Variants in PACRG observed in about 807,000 individuals in gnomAD.
PACRG encodes the protein parkin coregulated gene protein.
In PACRG, 29 loss-of-function variants were observed where a neutral mutation model predicts 29.7. The ratio of observed to expected loss-of-function variants is 0.98; its 90% CI spans 0.73 to 1.33. The LOEUF (loss-of-function observed/expected upper bound fraction) is 1.33, where lower values mean the gene tolerates loss of function less well. Among genes scored for constraint, PACRG ranks in the 40% most tolerant of loss-of-function variants. PACRG has a pLI of 0.00. For synonymous variants in PACRG, 116 were observed against 118.7 expected (o/e 0.98, Z 0.15); for missense variants, 279 against 316.2 (o/e 0.88, Z 0.89).
At chr6:163,116,037 C>T (rs1474864065) in intron 4 of PACRG, among the ~76,000 whole-genome samples, 1 of 152,162 alleles carries the variant, frequency 6.6e-6, no homozygotes, top group African/African-American at 2.4e-5. Flanking sequence ...TTCTAGAGGA[C>T]AGGGAAACTT....
At chr6:163,214,861 A>G (rs1781299241) in intron 4 of PACRG, among the ~76,000 whole-genome samples, 1 of 152,142 alleles carries the variant, frequency 6.6e-6, no homozygotes, top group Non-Finnish European at 1.5e-5. Context: ...CCACACTTTA[A>G]TAGGTATGTT....
chr6:162,808,889 G>A (rs6929100), intron 1 of PACRG, among the ~76,000 whole-genome samples: 27,456 of 151,964 alleles, frequency 0.18, 3,069 homozygotes, highest in Non-Finnish European at 0.25. Flanking sequence ...CTACAAATAT[G>A]GAACTTACCT....
chr6:163,295,197 C>T (rs1311218998), intron 4 of PACRG, among the ~76,000 whole-genome samples: 1 of 152,192 alleles, frequency 6.6e-6, no homozygotes, highest in African/African-American at 2.4e-5. Flanking sequence ...AAGCAGTATT[C>T]ACTTTTATAA....
chr6:162,987,346 T>C (rs1293204611), intron 2 of PACRG, among the ~76,000 whole-genome samples: 1 of 152,180 alleles, frequency 6.6e-6, no homozygotes, highest in African/African-American at 2.4e-5. Flanking sequence ...GGGAAATGTC[T>C]GCAAGCTTCA....
At chr6:162,994,397 G>C (rs1252118058) in intron 2 of PACRG, among the ~76,000 whole-genome samples, 1 of 148,186 alleles carries the variant, frequency 6.7e-6, no homozygotes, top group African/African-American at 2.5e-5. Flanking sequence ...CGTAGATTTG[G>C]TCTTTTCACA....
chr6:163,257,749 T>G (rs189098488), intron 4 of PACRG, among the ~76,000 whole-genome samples: 1 of 152,342 alleles, frequency 6.6e-6, no homozygotes, highest in East Asian at 1.9e-4. Context: ...TTTAAATATT[T>G]TTTAACTTCT....
intron 2 of PACRG, among the ~76,000 whole-genome samples, chr6:162,888,034 G>A (rs1365287699): frequency 6.6e-6 from 1 of 152,152 alleles, no homozygotes; most frequent in Non-Finnish European, 1.5e-5. Context: ...CAAAGATGGT[G>A]CCTTGTTGCA....
intron 4 of PACRG, among the ~76,000 whole-genome samples, chr6:163,201,939 G>A (rs1780718163): frequency 6.6e-6 from 1 of 152,236 alleles, no homozygotes; most frequent in South Asian, 2.1e-4. Flanking sequence ...TTTGGGGGAA[G>A]TTCAGAGGAG....
At chr6:162,933,601 C>CTT (rs71008119) in intron 2 of PACRG, among the ~76,000 whole-genome samples, 5,060 of 74,560 alleles carry the variant, frequency 0.068, 179 homozygotes, top group East Asian at 0.2. Context: ...CTTTCTGTAT[C>CTT]TTTTTTTTTT....
chr6:162,775,357 C>T lies in PACRG; in HGVS notation c.157-38790C>T, dbSNP rs1783561282. On this transcript the variant is annotated intron_variant, in intron 1 of 4. Coordinates refer to ENST00000366888, the MANE Select transcript of PACRG (RefSeq NM_001080379.2). ...CAAGAGTCTACATTTGACCTCTGTG[C>T]TTACCTGTTACTAGTAATCAAAACA... Among the ~76,000 whole-genome samples the T allele has an allele frequency of 2.0e-5, 3 of 152,218 alleles. No homozygotes were observed. In the South Asian group the frequency reaches 6.2e-4, roughly 31 times the overall value.
At chr6:163,066,057 T>A (rs1239302657) in intron 3 of PACRG, among the ~76,000 whole-genome samples, 1 of 152,154 alleles carries the variant, frequency 6.6e-6, no homozygotes, top group African/African-American at 2.4e-5. Context: ...GGAAAAATTA[T>A]CTCTTATTAC....
At chr6:162,911,283 G>A (rs1260677538) in intron 2 of PACRG, among the ~76,000 whole-genome samples, 1 of 152,120 alleles carries the variant, frequency 6.6e-6, no homozygotes, top group African/African-American at 2.4e-5. Context: ...GTACCACTCA[G>A]GTACATGTAC....
intron 4 of PACRG, among the ~76,000 whole-genome samples, chr6:163,258,227 C>A (rs551474907): frequency 9.2e-5 from 14 of 152,018 alleles, no homozygotes; most frequent in Non-Finnish European, 1.3e-4. Context: ...ATTTTTGGAA[C>A]CTTATTAAGT....
chr6:162,826,147 AAT>A (rs1382772186), intron 2 of PACRG, among the ~76,000 whole-genome samples: 4 of 152,216 alleles, frequency 2.6e-5, no homozygotes, highest in Non-Finnish European at 4.4e-5. Context: ...AATAGAATAA[AAT>A]ATGTTTTGTA....
intron 4 of PACRG, among the ~76,000 whole-genome samples, chr6:163,207,516 A>G (rs1780956653): frequency 6.6e-6 from 1 of 152,100 alleles, no homozygotes; most frequent in South Asian, 2.1e-4. Context: ...ATGATATTCA[A>G]CTCCCTACGG....
intron 2 of PACRG, among the ~76,000 whole-genome samples, chr6:162,845,460 C>T (rs1790284706): frequency 6.6e-6 from 1 of 150,944 alleles, no homozygotes; most frequent in Non-Finnish European, 1.5e-5. Context: ...AATTAAAACT[C>T]GTGTTTACTG....
chr6:163,015,557 G>T (rs1182980282), intron 2 of PACRG, among the ~76,000 whole-genome samples: 2 of 152,090 alleles, frequency 1.3e-5, no homozygotes, highest in African/African-American at 2.4e-5. Flanking sequence ...TGCTTGTAGA[G>T]ATCTTGCACC....
At position 162,750,952 on chromosome 6, in the gene PACRG, T is replaced by C. The variant is rs1488720727; in HGVS notation, c.156+22561T>C. Among the ~76,000 whole-genome samples, 4 of 152,190 alleles carry C rather than the reference T, an allele frequency of 2.6e-5. No individual in the cohort carries two copies. In the East Asian group the frequency reaches 7.7e-4, roughly 29 times the overall value. ...CGTGAGTTACGTGCTCAGGAAGGCATGTGAATGCTTATGAGTGAGTAAGGT... is the reference window on the plus strand; with the variant it reads ...CGTGAGTTACGTGCTCAGGAAGGCACGTGAATGCTTATGAGTGAGTAAGGT... On this transcript the variant is annotated intron_variant, in intron 1 of 4. Transcript: ENST00000366888.
At chr6:163,266,934 T>A (rs2128177627) in intron 4 of PACRG, among the ~76,000 whole-genome samples, 1 of 152,262 alleles carries the variant, frequency 6.6e-6, no homozygotes, top group East Asian at 1.9e-4. Context: ...GAGCCCCTCA[T>A]CAAATGGCTT....
Sources: gnomAD v4.1 joint callset for allele counts (sites outside exome capture counted in the v4.1 genomes callset) on GRCh38, gnomAD v4.1.1 for gene constraint, MANE v1.5 for transcripts, NCBI Gene and HGNC (gene_info 2026-07-23, HGNC 2026-07-21) for gene names.